CLIP4: variants seen among roughly 807,000 people sequenced by gnomAD.
CLIP4 encodes CAP-Gly domain-containing linker protein 4.
In CLIP4, 47 loss-of-function variants were observed where a neutral mutation model predicts 73.1. The ratio of observed to expected loss-of-function variants is 0.64; its 90% CI spans 0.51 to 0.82. The LOEUF is 0.82. Ranked by LOEUF, CLIP4 falls within the 40% of genes least tolerant of loss-of-function variation. The pLI is 0.00. For synonymous variants in CLIP4, 306 were observed against 295.4 expected (o/e 1.04, Z -0.37); for missense variants, 874 against 852.9 (o/e 1.02, Z -0.31).
intron 15 of CLIP4, among the ~76,000 whole-genome samples, chr2:29,175,910 C>G (rs536532393): frequency 1.3e-5 from 2 of 151,990 alleles, no homozygotes; most frequent in East Asian, 1.9e-4. Flanking sequence ...TACAGGCGCC[C>G]GCCACCACAC....
At chr2:29,133,879 T>C (rs2147957856) in intron 5 of CLIP4, 63 bp downstream of exon 5, 1 of 1,366,618 alleles carries the variant, frequency 7.3e-7, no homozygotes, top group Non-Finnish European at 9.9e-7. Context: ...GGCATAAAAA[T>C]TATAATTCAA....
chr2:29,143,258 C>G (rs984488134), intron 6 of CLIP4, among the ~76,000 whole-genome samples: 25 of 150,936 alleles, frequency 1.7e-4, no homozygotes, highest in Non-Finnish European at 4.4e-5. Flanking sequence ...TTTTCCCTGC[C>G]AGAGAACCTG....
chr2:29,158,869 A>G (rs1402280441), intron 11 of CLIP4, among the ~76,000 whole-genome samples: 7 of 152,202 alleles, frequency 4.6e-5, no homozygotes, highest in Non-Finnish European at 8.8e-5. Context: ...TCCTGGACCC[A>G]GGTGATCTTC....
Position 29,157,194 on chromosome 2 carries a change from T to A in CLIP4, c.1256-10T>A. On this transcript the variant is annotated splice_polypyrimidine_tract_variant and intron_variant, in intron 10 of 15. Coordinates refer to ENST00000320081, the MANE Select transcript of CLIP4 (RefSeq NM_024692.6). ...TTTCCACCGTTTGACACGTTCTTTA[T>A]CTGTTACAGTTGCCCTGCTTGGATC... 1 of 1,613,526 alleles carries A rather than the reference T, an allele frequency of 6.2e-7. No homozygotes were observed. The highest frequency in any genetic ancestry group is 8.5e-7 in the Non-Finnish European group (1 of 1,179,420).
Position 29,133,826 on chromosome 2 carries a change from A to G in CLIP4, c.529+10A>G. 1 of 1,592,258 alleles carries G rather than the reference A, an allele frequency of 6.3e-7. No homozygotes were observed. Among genetic ancestry groups the G allele is most frequent in the Non-Finnish European group, 8.5e-7 (1 of 1,170,076 alleles). Reference sequence around the variant, plus strand: ...ACATCGAAACCAAAAGGCAAGTATTATAAGATCACCTTTAGATATTATTAA... The same window carrying G: ...ACATCGAAACCAAAAGGCAAGTATTGTAAGATCACCTTTAGATATTATTAA... On this transcript the variant is annotated intron_variant, in intron 5 of 15. Transcript: ENST00000320081.
chr2:29,135,531 A>T lies in CLIP4; in HGVS notation c.530-17A>T, dbSNP rs368588286. On this transcript the variant is annotated splice_polypyrimidine_tract_variant and intron_variant, in intron 5 of 15. Transcript: ENST00000320081. ...GTTTAAACTTTTAGTTAATATACTT[A>T]TGATGTTTAATTGCAGATGTGGATG... 1.3e-6 allele frequency: 2 copies of T among 1,555,068 alleles called. No homozygotes were observed. Among genetic ancestry groups the T allele is most frequent in the Non-Finnish European group, 1.8e-6 (2 of 1,133,880 alleles).
At chr2:29,175,732 T>C (rs1265236862) in intron 15 of CLIP4, 1 of 152,204 alleles carries the variant, frequency 6.6e-6, no homozygotes, top group Non-Finnish European at 1.5e-5. Context: ...TATACTTTTA[T>C]TGAGGATAGA....
intron 4 of CLIP4, among the ~76,000 whole-genome samples, chr2:29,133,291 T>A (rs144872963): frequency 5.3e-5 from 8 of 152,322 alleles, no homozygotes; most frequent in Admixed American, 4.6e-4. Context: ...AGATTGCAAT[T>A]TGGGACTGCC....
At position 29,143,690 on chromosome 2, in the gene CLIP4, CTCTTA is replaced by C. The variant is rs767739877; in HGVS notation, c.649-14_649-10del. The C allele has an allele frequency of 6.5e-7, 1 of 1,533,786 alleles. No homozygotes were observed. Among genetic ancestry groups the C allele is most frequent in the African/African-American group, 1.4e-5 (1 of 73,210 alleles). The stretch of plus-strand genomic sequence containing the variant: ...CTCTAAGTAAGAGTTGAACATTTTT[CTCTTA>C]TCTTTATTTGTAGAATGACAAAGGA... On this transcript the variant is annotated splice_polypyrimidine_tract_variant and intron_variant, in intron 6 of 15. Transcript: ENST00000320081.
At chr2:29,158,679 G>C (rs1033798997) in intron 11 of CLIP4, among the ~76,000 whole-genome samples, 12 of 152,156 alleles carry the variant, frequency 7.9e-5, no homozygotes, top group African/African-American at 2.9e-4. Flanking sequence ...TGGAAAGTTA[G>C]GTTAAAAAAT....
chr2:29,129,840 A>T (rs1664850011), intron 2 of CLIP4, among the ~76,000 whole-genome samples: 1 of 152,180 alleles, frequency 6.6e-6, no homozygotes. Context: ...ATTGCAAATT[A>T]TTCTTTGTAA....
chr2:29,152,983 T>A (rs1666679042), intron 9 of CLIP4, among the ~76,000 whole-genome samples, 155 bp downstream of exon 9: 1 of 152,220 alleles, frequency 6.6e-6, no homozygotes, highest in African/African-American at 2.4e-5. Context: ...ACCTCAATTT[T>A]AATGACTTCA....
At chr2:29,174,912 G>T (rs1668235508) in intron 15 of CLIP4, among the ~76,000 whole-genome samples, 1 of 151,942 alleles carries the variant, frequency 6.6e-6, no homozygotes, top group African/African-American at 2.4e-5. Flanking sequence ...CAGAGAGAAT[G>T]CCCTTTTCTC....
At chr2:29,178,174 G>T (rs1440618001) in intron 15 of CLIP4, among the ~76,000 whole-genome samples, 1 of 151,656 alleles carries the variant, frequency 6.6e-6, no homozygotes. Flanking sequence ...CCTAATGCAT[G>T]TGTCTGAATT....
chr2:29,134,418 T>G (rs973679458), intron 5 of CLIP4, among the ~76,000 whole-genome samples: 7 of 152,208 alleles, frequency 4.6e-5, no homozygotes, highest in Admixed American at 4.6e-4. Context: ...TAAGTTAAAG[T>G]GTACAATATT....
At chr2:29,150,284 G>A (rs956146955) in intron 8 of CLIP4, among the ~76,000 whole-genome samples, 1 of 152,122 alleles carries the variant, frequency 6.6e-6, no homozygotes, top group South Asian at 2.1e-4. Flanking sequence ...AGTGGAAGTT[G>A]AAGAGAAAGT....
chr2:29,179,227 T>G (rs1288306450), intron 15 of CLIP4, among the ~76,000 whole-genome samples: 1 of 152,284 alleles, frequency 6.6e-6, no homozygotes, highest in Non-Finnish European at 1.5e-5. Context: ...CCTTTTTCAC[T>G]GCTTTGAAGT....
At chr2:29,154,775 C>G (rs1439291994) in intron 9 of CLIP4, among the ~76,000 whole-genome samples, 6 of 152,150 alleles carry the variant, frequency 3.9e-5, no homozygotes, top group Admixed American at 2.0e-4. Flanking sequence ...GGGTCCCAGC[C>G]TGACTACTGG....
intron 1 of CLIP4, among the ~76,000 whole-genome samples, chr2:29,098,716 G>A (rs957100735): frequency 6.6e-6 from 1 of 152,156 alleles, no homozygotes; most frequent in South Asian, 2.1e-4. Context: ...CATATCACTT[G>A]GGTAAATGCC....
Sources: gnomAD v4.1 joint callset for allele counts (sites outside exome capture counted in the v4.1 genomes callset) on GRCh38, gnomAD v4.1.1 for gene constraint, MANE v1.5 for transcripts, NCBI Gene and HGNC (gene_info 2026-07-23, HGNC 2026-07-21) for gene names.